Variants in UNC13B observed in about 807,000 individuals in gnomAD.
The protein encoded by UNC13B is protein unc-13 homolog B.
UNC13B carries 144 observed loss-of-function variants against 211.0 expected under a neutral mutation model. The observed-to-expected ratio is 0.68, with a 90% CI of 0.60 to 0.78. UNC13B has a LOEUF of 0.78. UNC13B is among the 30% of genes least tolerant of loss of function. The pLI is 0.00. For synonymous variants in UNC13B, 709 were observed against 725.8 expected (o/e 0.98, Z 0.37); for missense variants, 1,777 against 2,002.0 (o/e 0.89, Z 2.14).
intron 11 of UNC13B, among the ~76,000 whole-genome samples, chr9:35,340,697 A>G (rs1222532138): frequency 6.6e-6 from 1 of 152,204 alleles, no homozygotes; most frequent in African/African-American, 2.4e-5. Context: ...CTTTTCTCTT[A>G]AGATCAAGCT....
chr9:35,166,207 C>T (rs928515268), intron 1 of UNC13B, among the ~76,000 whole-genome samples: 1 of 151,990 alleles, frequency 6.6e-6, no homozygotes, highest in Non-Finnish European at 1.5e-5. Context: ...CGTGGTGAAA[C>T]CCCATCTCTA....
rs765511735 is a variant in UNC13B, at chr9:35,404,258, T to A, written c.*225T>A. 3.4e-6 allele frequency: 2 copies of A among 591,512 alleles called. No homozygotes were observed. The highest frequency in any genetic ancestry group is 5.9e-6 in the Non-Finnish European group (2 of 340,130). The allele number at this position is 591,512 out of a possible 1,614,324, so 36.6% of individuals were successfully genotyped here. ...TGGTACTAGGGGCTGGGATGTGGGGTTACCACATGGAGAGATTTTCCATTA... is the reference window on the plus strand; with the variant it reads ...TGGTACTAGGGGCTGGGATGTGGGGATACCACATGGAGAGATTTTCCATTA... On this transcript the variant is annotated 3_prime_UTR_variant, in exon 40 of 40. Coordinates refer to ENST00000635942, the MANE Select transcript of UNC13B (RefSeq NM_001371189.2).
intron 1 of UNC13B, among the ~76,000 whole-genome samples, chr9:35,194,965 G>A (rs2131353621): frequency 6.6e-6 from 1 of 152,312 alleles, no homozygotes; most frequent in South Asian, 2.1e-4. Context: ...CGGCGGATGT[G>A]CCGGATTTTA....
At position 35,304,438 on chromosome 9, in the gene UNC13B, T is replaced by C; in HGVS notation, c.5034T>C (p.Asp1678=). 1 of 398,630 alleles carries C rather than the reference T, an allele frequency of 2.5e-6. No individual in the cohort carries two copies. Among genetic ancestry groups the C allele is most frequent in the East Asian group, 3.6e-5 (1 of 28,062 alleles). 24.7% of individuals were successfully genotyped at this position (398,630 alleles called of 1,614,324 possible). A position where few individuals can be genotyped will look rare whatever the true frequency, so the allele number is the denominator to read the frequency against. The change falls in exon 9 of 40, where the codon GAT becomes GAC. Residue 1678 remains aspartate, a synonymous_variant. Coordinates refer to ENST00000635942, the MANE Select transcript of UNC13B (RefSeq NM_001371189.2). ...CTGAAGACGCTGAATGTACATTAGA[T>C]CTCAGAAATCAGCCCCAAACTATTA... The part of the protein sequence containing the change: ...CGSEDAECTL[D]LRNQPQTISN...
intron 12 of UNC13B, 57 bp from the exon 13 acceptor site, chr9:35,370,261 C>T: frequency 1.3e-6 from 2 of 1,506,690 alleles, no homozygotes; most frequent in Non-Finnish European, 1.8e-6. Context: ...AACACTGAAC[C>T]CACCAGCTAA....
intron 7 of UNC13B, among the ~76,000 whole-genome samples, chr9:35,287,767 T>C (rs772996191): frequency 1.3e-5 from 2 of 152,212 alleles, no homozygotes; most frequent in Non-Finnish European, 2.9e-5. Context: ...GAAAAATCCC[T>C]GCCCTTATTG....
intron 25 of UNC13B, 45 bp downstream of exon 25, chr9:35,390,018 T>C (rs769717265): frequency 1.9e-6 from 3 of 1,607,048 alleles, no homozygotes; most frequent in South Asian, 2.2e-5. Context: ...GGTTGGTCTG[T>C]CCATCTGTCT....
intron 7 of UNC13B, among the ~76,000 whole-genome samples, chr9:35,282,531 A>G (rs1007927083): frequency 6.6e-6 from 1 of 152,136 alleles, no homozygotes; most frequent in Admixed American, 6.6e-5. Context: ...TCCTGGGATC[A>G]AGAGATTCTC....
At chr9:35,238,216 A>C (rs1453269690) in intron 5 of UNC13B, among the ~76,000 whole-genome samples, 2 of 152,244 alleles carry the variant, frequency 1.3e-5, no homozygotes, top group African/African-American at 4.8e-5. Flanking sequence ...ATAATTTAAA[A>C]TGTAAATTAA....
At chr9:35,311,517 T>C (rs369280323) in intron 10 of UNC13B, among the ~76,000 whole-genome samples, 1 of 152,226 alleles carries the variant, frequency 6.6e-6, no homozygotes, top group East Asian at 1.9e-4. Context: ...TGTGTGTGCA[T>C]GTACTTATGT....
rs1197558378 is a variant in UNC13B, at chr9:35,166,498, C to CT, written c.22+4202dup. ...TACCACCTGCCAATACCATTGCTAA[C>CT]TTTTTTTTTAAATTTAATTTTTTTT... On this transcript the variant is annotated intron_variant, in intron 1 of 39. Coordinates refer to ENST00000635942, the MANE Select transcript of UNC13B (RefSeq NM_001371189.2). Among the ~76,000 whole-genome samples the CT allele has an allele frequency of 8.6e-5, 13 of 151,418 alleles. No individual in the cohort carries two copies. In the Middle Eastern group the frequency reaches 0.024, roughly 277 times the overall value.
At chr9:35,334,785 C>G (rs1831560459) in intron 11 of UNC13B, among the ~76,000 whole-genome samples, 1 of 152,140 alleles carries the variant, frequency 6.6e-6, no homozygotes, top group Non-Finnish European at 1.5e-5. Flanking sequence ...GCCTGTAATC[C>G]CAGCACTTTG....
intron 1 of UNC13B, among the ~76,000 whole-genome samples, chr9:35,202,106 A>C (rs572301661): frequency 3.9e-4 from 59 of 152,312 alleles, no homozygotes; most frequent in South Asian, 8.3e-4. Context: ...TCCAGTAGTC[A>C]TTCAGGAGCA....
At chr9:35,182,003 C>T (rs1821964608) in intron 1 of UNC13B, among the ~76,000 whole-genome samples, 1 of 152,196 alleles carries the variant, frequency 6.6e-6, no homozygotes, top group South Asian at 2.1e-4. Context: ...TACTGCAGTG[C>T]CATGGTCTTG....
Position 35,399,645 on chromosome 9 carries a change from A to G in UNC13B, c.12256-4A>G. ...GTCCTGATGCTGCTGATTTCTCTGA[A>G]CAGGATCACATGGTACGAGAGGAAA... On this transcript the variant is annotated splice_region_variant and splice_polypyrimidine_tract_variant and intron_variant, in intron 35 of 39. Transcript: ENST00000635942. 1 of 1,614,120 alleles carries G rather than the reference A, an allele frequency of 6.2e-7. No individual in the cohort carries two copies. The highest frequency in any genetic ancestry group is 8.5e-7 in the Non-Finnish European group (1 of 1,180,018).
intron 25 of UNC13B, among the ~76,000 whole-genome samples, chr9:35,390,191 G>T (rs1835444558): frequency 6.6e-6 from 1 of 152,150 alleles, no homozygotes; most frequent in South Asian, 2.1e-4. Flanking sequence ...AGCTTCCCTG[G>T]AGTGAGAGAC....
In UNC13B at chr9:35,302,537, G is replaced by A. The variant is rs1318791126; in HGVS notation, c.3133G>A (p.Asp1045Asn). ...TGCCAAATTTAATATAATAAAGTCT[G>A]ATTCAGTTACAAATATTAATAATGA... ...EDAKFNIIKSDSVTNINNDLG... is the reference protein window; with the variant it reads ...EDAKFNIIKSNSVTNINNDLG... Residue 1045 changes from aspartate (D) to asparagine (N), a missense_variant, in exon 9 of 40, where the codon GAT (aspartate) becomes AAT (asparagine). By Grantham distance (23) the Asp-to-Asn change is conservative. Coordinates refer to ENST00000635942, the MANE Select transcript of UNC13B (RefSeq NM_001371189.2). 4 of 398,488 alleles carry A rather than the reference G, an allele frequency of 1.0e-5. No individual in the cohort carries two copies. Among genetic ancestry groups the A allele is most frequent in the African/African-American group, 6.2e-5 (3 of 48,598 alleles). 24.7% of individuals were successfully genotyped at this position (398,488 alleles called of 1,614,324 possible).
Position 35,279,187 on chromosome 9 carries a change from G to A in UNC13B, c.527-16509G>A, listed in dbSNP as rs147909760. Among the ~76,000 whole-genome samples, 106 of 152,076 alleles carry A rather than the reference G, an allele frequency of 7.0e-4. 1 individual carries two copies. Among genetic ancestry groups the A allele is most frequent in the Middle Eastern group, 3.4e-3 (1 of 294 alleles). On this transcript the variant is annotated intron_variant, in intron 7 of 39. Transcript: ENST00000635942. ...AAAGGAGACCTCATACCCATTAAACGGTCACTCTCCATTCTCTCCACCCCT... is the reference window on the plus strand; with the variant it reads ...AAAGGAGACCTCATACCCATTAAACAGTCACTCTCCATTCTCTCCACCCCT...
rs1829803541 is a variant in UNC13B, at chr9:35,303,921, G to A, written c.4517G>A (p.Gly1506Asp). The change falls in exon 9 of 40, where the codon GGT becomes GAT. Residue 1506 changes from glycine to aspartate, a missense_variant. By Grantham distance (94) the Gly-to-Asp change is moderately conservative. Transcript: ENST00000635942. ...MDENFVFSSF[G>D]YEYQEWLSCL... Reference sequence around the variant, plus strand: ...GAAAACTTTGTTTTTTCAAGTTTTGGTTATGAGTACCAGGAATGGTTGTCA... The same window carrying A: ...GAAAACTTTGTTTTTTCAAGTTTTGATTATGAGTACCAGGAATGGTTGTCA... 2 of 398,610 alleles carry A rather than the reference G, an allele frequency of 5.0e-6. No homozygotes were observed. Among genetic ancestry groups the A allele is most frequent in the East Asian group, 3.6e-5 (1 of 28,072 alleles). The allele number at this position is 398,610 out of a possible 1,614,324, so 24.7% of individuals were successfully genotyped here. A position where few individuals can be genotyped will look rare whatever the true frequency, so the allele number is the denominator to read the frequency against.
Sources: allele counts gnomAD v4.1 joint callset (sites outside exome capture counted in the v4.1 genomes callset), GRCh38; gene constraint gnomAD v4.1.1; transcripts MANE v1.5; gene names NCBI Gene and HGNC (gene_info 2026-07-23, HGNC 2026-07-21).